ABTB3: variants seen among roughly 807,000 people sequenced by gnomAD.
The protein encoded by ABTB3 is ankyrin repeat and BTB domain containing 3.
At chr12:107,386,769 C>A in the ABTB3 span, among the ~76,000 whole-genome samples, 1 of 152,040 alleles carries the variant, frequency 6.6e-6, no homozygotes, top group Non-Finnish European at 1.5e-5. Context: ...TGTGTTACAT[C>A]TTTTTCCTGC....
At chr12:107,491,122 A>C in the ABTB3 span, among the ~76,000 whole-genome samples, 61 of 151,160 alleles carry the variant, frequency 4.0e-4, no homozygotes, top group African/African-American at 1.4e-3. Flanking sequence ...GCCTGTCTCC[A>C]AGACCAAGGA....
the ABTB3 span, among the ~76,000 whole-genome samples, chr12:107,340,628 T>C: frequency 6.6e-6 from 1 of 152,106 alleles, no homozygotes; most frequent in African/African-American, 2.4e-5. Flanking sequence ...CTGGTCCCTT[T>C]TCCTACAGCT....
At chr12:107,320,624 A>C in the ABTB3 span, 1 of 456,078 alleles carries the variant, frequency 2.2e-6, no homozygotes, top group South Asian at 1.5e-5. Flanking sequence ...CACGGCCTAG[A>C]CAGTCGTAAA....
the ABTB3 span, among the ~76,000 whole-genome samples, chr12:107,546,336 C>A: frequency 3.3e-5 from 5 of 152,152 alleles, no homozygotes; most frequent in Admixed American, 2.6e-4. Context: ...ATCTCTCCCC[C>A]AAAACCCACT....
the ABTB3 span, among the ~76,000 whole-genome samples, chr12:107,365,936 A>G: frequency 6.6e-6 from 1 of 152,246 alleles, no homozygotes; most frequent in African/African-American, 2.4e-5. Context: ...GAGATCCGTC[A>G]ACAGTTGGCT....
chr12:107,393,625 AATG>A, the ABTB3 span, among the ~76,000 whole-genome samples: 1 of 152,084 alleles, frequency 6.6e-6, no homozygotes, highest in East Asian at 1.9e-4. Context: ...GCTCTCAGTA[AATG>A]TTTGTAGAAT....
the ABTB3 span, among the ~76,000 whole-genome samples, chr12:107,443,621 A>C: frequency 6.6e-6 from 1 of 152,176 alleles, no homozygotes; most frequent in African/African-American, 2.4e-5. Flanking sequence ...GAAGTGTTAA[A>C]GTCTGGATTG....
At chr12:107,319,868 G>T in the ABTB3 span, 1 of 1,250,502 alleles carries the variant, frequency 8.0e-7, no homozygotes, top group Non-Finnish European at 1.0e-6. Flanking sequence ...CGCCAGCGGG[G>T]GCAGCAGCTG....
At chr12:107,574,478 T>G in the ABTB3 span, among the ~76,000 whole-genome samples, 1 of 152,198 alleles carries the variant, frequency 6.6e-6, no homozygotes, top group African/African-American at 2.4e-5. Context: ...ATCCCAGCTC[T>G]TTGGGAGGCC....
the ABTB3 span, among the ~76,000 whole-genome samples, chr12:107,464,267 G>A: frequency 1.3e-5 from 2 of 149,668 alleles, no homozygotes; most frequent in Non-Finnish European, 3.0e-5. Context: ...GTGTATTTAT[G>A]CAGTGGCCAG....
At chr12:107,492,356 C>T in the ABTB3 span, among the ~76,000 whole-genome samples, 2 of 152,144 alleles carry the variant, frequency 1.3e-5, no homozygotes, top group African/African-American at 2.4e-5. Flanking sequence ...CTTGCCACAC[C>T]CCTCTGTGCT....
At chr12:107,339,177 C>A in the ABTB3 span, among the ~76,000 whole-genome samples, 1 of 152,202 alleles carries the variant, frequency 6.6e-6, no homozygotes, top group African/African-American at 2.4e-5. Flanking sequence ...CCGTCCTGGG[C>A]TCCTTGCACC....
chr12:107,320,010 A>G, the ABTB3 span: 1 of 1,573,174 alleles, frequency 6.4e-7, no homozygotes, highest in East Asian at 2.4e-5. Flanking sequence ...ACGGTCAACA[A>G]CGACTCGGAG....
chr12:107,444,420 C>G, the ABTB3 span, among the ~76,000 whole-genome samples: 4 of 152,166 alleles, frequency 2.6e-5, no homozygotes, highest in African/African-American at 9.7e-5. Context: ...ATGACCAGCA[C>G]CTAACTGTGC....
At chr12:107,448,649 T>C in the ABTB3 span, among the ~76,000 whole-genome samples, 12 of 150,084 alleles carry the variant, frequency 8.0e-5, no homozygotes, top group African/African-American at 2.0e-4. Flanking sequence ...TTCTTTCTTT[T>C]TTTTTTTTGA....
At chr12:107,549,659 A>G in the ABTB3 span, among the ~76,000 whole-genome samples, 1 of 152,230 alleles carries the variant, frequency 6.6e-6, no homozygotes, top group Non-Finnish European at 1.5e-5. Flanking sequence ...TTGACCTTGA[A>G]TTAACTCTCT....
the ABTB3 span, among the ~76,000 whole-genome samples, chr12:107,429,757 G>GA: frequency 1.3e-5 from 2 of 152,176 alleles, no homozygotes; most frequent in East Asian, 1.9e-4. Context: ...CCATAATACA[G>GA]AAAAAACAAT....
the ABTB3 span, among the ~76,000 whole-genome samples, chr12:107,337,569 C>T: frequency 2.2e-4 from 33 of 152,270 alleles, no homozygotes; most frequent in Admixed American, 3.9e-4. Context: ...CTAGTTCCAC[C>T]GCACAATTGA....
the ABTB3 span, among the ~76,000 whole-genome samples, chr12:107,501,497 G>C: frequency 1.2e-4 from 18 of 152,032 alleles, no homozygotes; most frequent in Admixed American, 7.9e-4. Flanking sequence ...GCAGGAGTTC[G>C]AGACCTGCCT....
Sources: gnomAD v4.1 joint callset for allele counts (sites outside exome capture counted in the v4.1 genomes callset) on GRCh38, gnomAD v4.1.1 for gene constraint, MANE v1.5 for transcripts, NCBI Gene and HGNC (gene_info 2026-07-23, HGNC 2026-07-21) for gene names.